Variants in KIF13A observed in about 807,000 individuals in gnomAD.
KIF13A encodes the protein kinesin-like protein KIF13A.
KIF13A carries 79 observed loss-of-function variants against 212.2 expected under a neutral mutation model. That is an observed-to-expected ratio of 0.37 (90% CI 0.31 to 0.45). KIF13A has a LOEUF of 0.45. Among genes scored for constraint, KIF13A ranks in the 20% least tolerant of loss-of-function variants. KIF13A has a pLI of 1.00. For missense variants in KIF13A, 1,901 were observed against 2,209.0 expected, an observed-to-expected ratio of 0.86 and a Z score of 2.79; for synonymous variants, 789 against 808.6, an observed-to-expected ratio of 0.98 and a Z score of 0.41.
At chr6:17,848,147 T>G (rs1259530672) in intron 9 of KIF13A, among the ~76,000 whole-genome samples, 2 of 152,146 alleles carry the variant, frequency 1.3e-5, no homozygotes, top group Non-Finnish European at 2.9e-5. Flanking sequence ...ATTGTGCATA[T>G]TTATGGGGTA....
chr6:17,761,709 C>T (rs1758594583), downstream of KIF13A, among the ~76,000 whole-genome samples: 1 of 152,112 alleles, frequency 6.6e-6, no homozygotes. Flanking sequence ...AGAAAAATCT[C>T]CATAATCCCA....
rs1182680644 is a variant in KIF13A, at chr6:17,915,324, C to T, written c.147-17144G>A. ...AGGGACCTTGGACCTGGTGCTTAAG[C>T]TCTCAGTGCCTCAGTTACCTCACCT... On this transcript the variant is annotated intron_variant, in intron 2 of 38. Transcript: ENST00000259711. This position sits in a 1 kb window ranked among gnomAD's most constrained non-coding sequence, Gnocchi z 4.4. 6.6e-6 allele frequency among the ~76,000 whole-genome samples: 1 copy of T among 152,158 alleles called. No individual in the cohort carries two copies. Among genetic ancestry groups the T allele is most frequent in the African/African-American group, 2.4e-5 (1 of 41,422 alleles).
At position 17,897,342 on chromosome 6, in the gene KIF13A, C is replaced by T. The variant is rs1772664843; in HGVS notation, c.159+826G>A. ...CCTGTTCTAATCCTATCTCAAGAACCACAGCTATAATCAGTATCACTGGCC... is the reference window on the plus strand; with the variant it reads ...CCTGTTCTAATCCTATCTCAAGAACTACAGCTATAATCAGTATCACTGGCC... On this transcript the variant is annotated intron_variant, in intron 3 of 38. Transcript: ENST00000259711. This position sits in a 1 kb window ranked among gnomAD's most constrained non-coding sequence, Gnocchi z 4.8. Among the ~76,000 whole-genome samples, 1 of 152,134 alleles carries T rather than the reference C, an allele frequency of 6.6e-6. No homozygotes were observed. The highest frequency in any genetic ancestry group is 2.4e-5 in the African/African-American group (1 of 41,432).
chr6:17,933,293 C>T (rs1776166234), intron 2 of KIF13A, among the ~76,000 whole-genome samples: 1 of 152,054 alleles, frequency 6.6e-6, no homozygotes, highest in Admixed American at 6.6e-5. Flanking sequence ...CCAACTGCAT[C>T]TTTCTTTGTT....
At position 17,811,868 on chromosome 6, in the gene KIF13A, G is replaced by C; in HGVS notation, c.2001-2938C>G. Among the ~76,000 whole-genome samples the C allele has an allele frequency of 7.0e-6, 1 of 142,380 alleles. No individual in the cohort carries two copies. 93.4% of individuals were successfully genotyped at this position (142,380 alleles called of 152,430 possible). On this transcript the variant is annotated intron_variant, in intron 17 of 38. Coordinates refer to ENST00000259711, the MANE Select transcript of KIF13A (RefSeq NM_022113.6). The surrounding 1 kb of genome is among the most constrained non-coding windows in gnomAD (Gnocchi z 6.0). ...TTCCTTCTCTCTCTCTCTTTTTCTT[G>C]GAGATAGGGTCTCCCTGTGTTGCCC...
chr6:17,805,302 C>A (rs976572403), intron 19 of KIF13A, among the ~76,000 whole-genome samples, 173 bp downstream of exon 19: 1 of 151,922 alleles, frequency 6.6e-6, no homozygotes. Context: ...TCCAACTTAG[C>A]GCTTCTTTCA....
rs980717968 is a variant in KIF13A, at chr6:17,786,575, G to C, written c.3362-934C>G. Among the ~76,000 whole-genome samples the C allele has an allele frequency of 2.0e-5, 3 of 152,110 alleles. No individual in the cohort carries two copies. The highest frequency in any genetic ancestry group is 4.4e-5 in the Non-Finnish European group (3 of 68,000). On this transcript the variant is annotated intron_variant, in intron 27 of 38. Coordinates refer to ENST00000259711, the MANE Select transcript of KIF13A (RefSeq NM_022113.6). The surrounding 1 kb of genome is among the most constrained non-coding windows in gnomAD (Gnocchi z 5.4). Reference sequence around the variant, plus strand: ...AGATCATGCCACTGCACTCCAGCCTGGGCGACAGAGGGAGACTCCATCTCA... The same window carrying C: ...AGATCATGCCACTGCACTCCAGCCTCGGCGACAGAGGGAGACTCCATCTCA...
At position 17,942,137 on chromosome 6, in the gene KIF13A, T is replaced by C. The variant is rs190630460; in HGVS notation, c.147-43957A>G. Among the ~76,000 whole-genome samples the C allele has an allele frequency of 3.3e-3, 504 of 151,418 alleles. 3 individuals are homozygous for C. Among genetic ancestry groups the C allele is most frequent in the African/African-American group, 0.012 (489 of 41,272 alleles). Reference sequence around the variant, plus strand: ...ACAACATGGCAAAACCTCATCTCTATAAAAAAACACAAAAATTAGCCAGGC... The same window carrying C: ...ACAACATGGCAAAACCTCATCTCTACAAAAAAACACAAAAATTAGCCAGGC... On this transcript the variant is annotated intron_variant, in intron 2 of 38. Transcript: ENST00000259711.
intron 11 of KIF13A, among the ~76,000 whole-genome samples, chr6:17,835,157 G>T (rs551608541): frequency 8.0e-6 from 1 of 125,362 alleles, no homozygotes; most frequent in South Asian, 2.6e-4. Flanking sequence ...CTGCACTCCA[G>T]CCCGGGCAAC....
chr6:17,965,028 C>G (rs893543395), intron 2 of KIF13A, among the ~76,000 whole-genome samples: 2 of 152,002 alleles, frequency 1.3e-5, no homozygotes, highest in Admixed American at 1.3e-4. Context: ...GGGGTTTCAC[C>G]ATGTTGGCCA....
Position 17,787,841 on chromosome 6 carries a change from G to A in KIF13A, c.3296C>T (p.Ser1099Leu), listed in dbSNP as rs748909909. Reference sequence around the variant, plus strand: ...TTCTCGTCGTTTAATGAGTGCATCTGACCACCTCTCCCTTACGCAGTTTAA... The same window carrying A: ...TTCTCGTCGTTTAATGAGTGCATCTAACCACCTCTCCCTTACGCAGTTTAA... ...EDLNCVRERW[S>L]DALIKRREYL... is the part of the protein sequence containing the mutation. Residue 1099 changes from serine to leucine, a missense_variant, in exon 27 of 39, where the codon TCA becomes TTA. Coordinates refer to ENST00000259711, the MANE Select transcript of KIF13A (RefSeq NM_022113.6). This position sits in a 1 kb window ranked among gnomAD's most constrained non-coding sequence, Gnocchi z 4.6. 1.9e-6 allele frequency: 3 copies of A among 1,612,904 alleles called. No individual in the cohort carries two copies. The highest frequency in any genetic ancestry group is 2.2e-5 in the South Asian group (2 of 91,052).
intron 2 of KIF13A, among the ~76,000 whole-genome samples, chr6:17,976,113 G>GT (rs1213103069): frequency 6.6e-6 from 1 of 152,248 alleles, no homozygotes; most frequent in Non-Finnish European, 1.5e-5. Context: ...ACTAGACTCA[G>GT]GAGCCCAGCT....
chr6:17,799,954 G>C lies in KIF13A; in HGVS notation c.2614C>G (p.Arg872Gly). 1 of 1,613,520 alleles carries C rather than the reference G, an allele frequency of 6.2e-7. No homozygotes were observed. Among genetic ancestry groups the C allele is most frequent in the South Asian group, 1.1e-5 (1 of 91,040 alleles). ...GCCTCCCATCACTGTCCTCTCACCC[G>C]ACATGTCAGCTTTTTGACTCGGTGA... ...IIHRVKKLTCRVKIKEATGLP... is the reference protein window; with the variant it reads ...IIHRVKKLTCGVKIKEATGLP... The change falls in exon 21 of 39, where the codon CGG becomes GGG. Residue 872 changes from arginine (R) to glycine (G), a missense_variant and splice_region_variant. Transcript: ENST00000259711. The surrounding 1 kb of genome is among the most constrained non-coding windows in gnomAD (Gnocchi z 4.4).
At position 17,951,578 on chromosome 6, in the gene KIF13A, C is replaced by T; in HGVS notation, c.146+35476G>A. ...CAACTGCAGAACATTCTCAATACCCCCCTCAAAAAATGCCATATCCATCGG... is the reference window on the plus strand; with the variant it reads ...CAACTGCAGAACATTCTCAATACCCTCCTCAAAAAATGCCATATCCATCGG... On this transcript the variant is annotated intron_variant, in intron 2 of 38. Coordinates refer to ENST00000259711, the MANE Select transcript of KIF13A (RefSeq NM_022113.6). This position sits in a 1 kb window ranked among gnomAD's most constrained non-coding sequence, Gnocchi z 4.9. The T allele has an allele frequency of 2.4e-6, 1 of 417,948 alleles. No homozygotes were observed. Among genetic ancestry groups the T allele is most frequent in the East Asian group, 3.6e-5 (1 of 28,026 alleles). 25.9% of individuals were successfully genotyped at this position (417,948 alleles called of 1,614,324 possible). A position where few individuals can be genotyped will look rare whatever the true frequency, so the allele number is the denominator to read the frequency against.
chr6:17,945,782 A>T (rs916580766), intron 2 of KIF13A, among the ~76,000 whole-genome samples: 2 of 152,180 alleles, frequency 1.3e-5, no homozygotes, highest in African/African-American at 4.8e-5. Flanking sequence ...CAATGAAGAA[A>T]CTGGTCCTAC....
intron 2 of KIF13A, among the ~76,000 whole-genome samples, chr6:17,927,625 A>C (rs1775601736): frequency 6.6e-6 from 1 of 152,224 alleles, no homozygotes; most frequent in Non-Finnish European, 1.5e-5. Context: ...AATGTATTTG[A>C]TACCACTGAA....
intron 3 of KIF13A, among the ~76,000 whole-genome samples, chr6:17,893,024 C>A (rs893813822): frequency 1.3e-5 from 2 of 152,196 alleles, no homozygotes; most frequent in African/African-American, 4.8e-5. Context: ...AAAGTGGAGG[C>A]AGCCTTATGG....
In KIF13A at chr6:17,963,497, T is replaced by C. The variant is rs115669407; in HGVS notation, c.146+23557A>G. On this transcript the variant is annotated intron_variant, in intron 2 of 38. Coordinates refer to ENST00000259711, the MANE Select transcript of KIF13A (RefSeq NM_022113.6). This position sits in a 1 kb window ranked among gnomAD's most constrained non-coding sequence, Gnocchi z 4.1. Reference sequence around the variant, plus strand: ...GATAAGGTCTTACAATATGAAGAAATATATTACCGATGACCACAAAAGGGC... The same window carrying C: ...GATAAGGTCTTACAATATGAAGAAACATATTACCGATGACCACAAAAGGGC... Among the ~76,000 whole-genome samples the C allele has an allele frequency of 5.4e-3, 820 of 152,290 alleles. 3 individuals are homozygous for C. The highest frequency in any genetic ancestry group is 7.2e-3 in the Non-Finnish European group (492 of 68,026).
rs149458306 is a variant in KIF13A at position 17,895,792 on chromosome 6, T to C, written c.159+2376A>G. ...CTTGGTCTAGTAATTCCTCACTAAC[T>C]TGGCTTATCTCCAGTGCCTTCAAGC... is the stretch of plus-strand genomic sequence containing the variant. On this transcript the variant is annotated intron_variant, in intron 3 of 38. Transcript: ENST00000259711. The surrounding 1 kb of genome is among the most constrained non-coding windows in gnomAD (Gnocchi z 4.4). Among the ~76,000 whole-genome samples, 21 of 152,358 alleles carry C rather than the reference T, an allele frequency of 1.4e-4. No individual in the cohort carries two copies. The highest frequency in any genetic ancestry group is 4.3e-4 in the African/African-American group (18 of 41,594).
Sources: allele counts gnomAD v4.1 joint callset (sites outside exome capture counted in the v4.1 genomes callset), GRCh38; gene constraint gnomAD v4.1.1; non-coding constraint Gnocchi (gnomAD v3.1); transcripts MANE v1.5; gene names NCBI Gene and HGNC (gene_info 2026-07-23, HGNC 2026-07-21).